MYO1F: variants seen among roughly 807,000 people sequenced by gnomAD.
MYO1F encodes the protein myosin IF.
Under a neutral mutation model 146.6 loss-of-function variants are expected in MYO1F, and 60 were observed. The observed-to-expected ratio is 0.41, with a 90% CI of 0.33 to 0.51. The LOEUF (loss-of-function observed/expected upper bound fraction) is 0.51. Among genes scored for constraint, MYO1F ranks in the 20% least tolerant of loss-of-function variants. The pLI is 0.25. For synonymous variants in MYO1F, 602 were observed against 602.1 expected (o/e 1.00, Z 0.00); for missense variants, 1,274 against 1,534.3 (o/e 0.83, Z 2.83).
chr19:8,536,626 CG>C, intron 17 of MYO1F, 29 bp from the exon 18 acceptor site: 1 of 312,002 alleles, frequency 3.2e-6, no homozygotes. Context: ...TGAGTCCCCT[CG>C]GGGTGGGGAG....
At chr19:8,553,651 T>A (rs990669722) in intron 4 of MYO1F, among the ~76,000 whole-genome samples, 4 of 151,956 alleles carry the variant, frequency 2.6e-5, no homozygotes, top group Non-Finnish European at 1.5e-5. Flanking sequence ...GGAGGGCGGA[T>A]CACTTGAGGT....
intron 27 of MYO1F, among the ~76,000 whole-genome samples, chr19:8,522,151 T>C (rs1400757131): frequency 6.6e-6 from 1 of 151,670 alleles, no homozygotes; most frequent in Non-Finnish European, 1.5e-5. Context: ...GCCTCCCGAG[T>C]AGCTGGGACT....
intron 13 of MYO1F, 92 bp from the exon 14 acceptor site, chr19:8,544,556 T>G (rs1170845945): frequency 4.0e-4 from 382 of 966,294 alleles, no homozygotes; most frequent in South Asian, 9.6e-4. Flanking sequence ...AGGGAGGGGG[T>G]GGAGGAGTGG....
At chr19:8,552,341 G>A (rs1973650311) in intron 6 of MYO1F, among the ~76,000 whole-genome samples, 177 bp from the exon 7 acceptor site, 2 of 151,760 alleles carry the variant, frequency 1.3e-5, no homozygotes, top group South Asian at 2.1e-4. Context: ...TCACTGCAAC[G>A]TCCACCTCCT....
Position 8,522,824 on chromosome 19 carries a change from C to T in MYO1F, c.2860G>A (p.Asp954Asn), listed in dbSNP as rs201832487. 3.8e-6 allele frequency: 6 copies of T among 1,568,160 alleles called. No homozygotes were observed. Among genetic ancestry groups the T allele is most frequent in the South Asian group, 1.2e-5 (1 of 86,674 alleles). The change falls in exon 26 of 28, where the codon GAT (aspartate) becomes AAT (asparagine). Residue 954 changes from aspartate (D) to asparagine (N), a missense_variant. Physicochemically the swap from Asp to Asn is conservative, Grantham distance 23 (BLOSUM62 1). This residue lies in a region of MYO1F where 374 missense variants were observed against 379.2 expected (regional missense o/e 0.99). Coordinates refer to ENST00000644032, the MANE Select transcript of MYO1F (RefSeq NM_012335.4). ...RAAPAPPRGM[D>N]RNGVPPSARG... ...GCAGAGGGGGGCACCCCATTGCGAT[C>T]CATGCCTGTGGCAGGAGCAAGGATG...
At position 8,526,472 on chromosome 19, in the gene MYO1F, A is replaced by G. The variant is rs568316480; in HGVS notation, c.2751T>C (p.Asp917=). The G allele has an allele frequency of 4.0e-5, 62 of 1,560,768 alleles. 1 individual carries two copies. The Middle Eastern group carries it at 5.0e-4, about 13-fold the overall frequency. ...ACTCACTGGAGCTCTTGGGCAGCCC[A>G]TCGCCCACGCTGACCGTGAGGGTCC... The part of the protein sequence containing the change: ...GGRTLTVSVG[D]GLPKSSKPTR... Residue 917 remains aspartate (D), a synonymous_variant, in exon 24 of 28, where the codon GAT becomes GAC. Coordinates refer to ENST00000644032, the MANE Select transcript of MYO1F (RefSeq NM_012335.4).
chr19:8,529,878 A>C, intron 21 of MYO1F: 1 of 519,426 alleles, frequency 1.9e-6, no homozygotes, highest in Non-Finnish European at 3.5e-6. Flanking sequence ...GCTGGGGGAT[A>C]GATACCTGTG....
At chr19:8,574,595 C>CTCTCTCTCTCTT (rs1555733066) in intron 1 of MYO1F, among the ~76,000 whole-genome samples, 16 of 105,896 alleles carry the variant, frequency 1.5e-4, no homozygotes, top group South Asian at 3.0e-4. Context: ...CTCTCTCTCT[C>CTCTCTCTCTCTT]TCTTTCTTTC....
intron 1 of MYO1F, among the ~76,000 whole-genome samples, chr19:8,573,514 C>T (rs1015554569): frequency 1.3e-5 from 2 of 152,038 alleles, no homozygotes; most frequent in Non-Finnish European, 2.9e-5. Flanking sequence ...CATTCTCCCA[C>T]GATCACCACC....
At chr19:8,566,313 T>G (rs1182819674) in intron 1 of MYO1F, among the ~76,000 whole-genome samples, 1 of 149,498 alleles carries the variant, frequency 6.7e-6, no homozygotes, top group South Asian at 2.1e-4. Flanking sequence ...GACTACAGGC[T>G]CCCACGGCCA....
At chr19:8,543,939 CTGGTGGTGCTGGTGGTGGTGGTGG>C (rs1973185222) in intron 14 of MYO1F, 3 of 50,544 alleles carry the variant, frequency 5.9e-5, no homozygotes, top group African/African-American at 3.8e-4. Context: ...GGTGGTGGTG[CTGGTGGTGCTGGTGGTGGTGGTGG>C]TGGTGGTGCT....
intron 14 of MYO1F, among the ~76,000 whole-genome samples, chr19:8,542,659 G>C (rs1465391290): frequency 6.7e-6 from 1 of 149,894 alleles, no homozygotes; most frequent in African/African-American, 2.5e-5. Context: ...GGAGTGCAAT[G>C]ACACGATCTC....
chr19:8,530,429 A>C lies in MYO1F; in HGVS notation c.2158+30T>G, dbSNP rs543288042. On this transcript the variant is annotated intron_variant, in intron 20 of 27. Coordinates refer to ENST00000644032, the MANE Select transcript of MYO1F (RefSeq NM_012335.4). The surrounding 1 kb of genome is among the most constrained non-coding windows in gnomAD (Gnocchi z 5.8). ...AGCTCCTCCAGGTCCTTGTGCCCCC[A>C]CCCCGCGCCGTTTACCCGAAGCCTC... is the stretch of plus-strand genomic sequence containing the variant. 10 of 1,613,142 alleles carry C rather than the reference A, an allele frequency of 6.2e-6. No individual in the cohort carries two copies. In the African/African-American group the frequency reaches 1.3e-4, roughly 22 times the overall value.
intron 14 of MYO1F, chr19:8,543,924 G>C (rs1423155104): frequency 1.1e-4 from 25 of 230,168 alleles, no homozygotes; most frequent in Non-Finnish European, 1.5e-4. Flanking sequence ...GGTGGTGGTG[G>C]TGGTGGTGGT....
intron 22 of MYO1F, 90 bp from the exon 23 acceptor site, chr19:8,527,025 GGGAA>G: frequency 6.5e-7 from 1 of 1,550,190 alleles, no homozygotes; most frequent in African/African-American, 1.4e-5. Context: ...GGTGGATTTA[GGGAA>G]GGGTCAGCTA....
At chr19:8,569,010 G>A (rs1047401165) in intron 1 of MYO1F, among the ~76,000 whole-genome samples, 2 of 152,072 alleles carry the variant, frequency 1.3e-5, no homozygotes, top group Non-Finnish European at 2.9e-5. Context: ...GAAAAAATGC[G>A]CCGAGATGCC....
chr19:8,564,805 C>A (rs545956753), intron 1 of MYO1F, among the ~76,000 whole-genome samples: 1 of 151,650 alleles, frequency 6.6e-6, no homozygotes, highest in African/African-American at 2.4e-5. Flanking sequence ...CAGAGTCTCG[C>A]TCTGTCACCC....
rs556463746 is a variant in MYO1F at position 8,544,658 on chromosome 19, G to C, written c.1357-194C>G. 2.4e-3 allele frequency among the ~76,000 whole-genome samples: 362 copies of C among 152,074 alleles called. 1 individual carries two copies. Among genetic ancestry groups the C allele is most frequent in the African/African-American group, 7.7e-3 (319 of 41,490 alleles). ...CAGGGGTCAGGGATGGAAGGGATAG[G>C]GGGGCAAGGGTGTGTGGGGCTACTG... is the stretch of plus-strand genomic sequence containing the variant. On this transcript the variant is annotated intron_variant, in intron 13 of 27. Transcript: ENST00000644032.
rs767444953 is a variant in MYO1F, at chr19:8,527,432, G to A, written c.2380C>T (p.Arg794Ter). 1 of 1,613,894 alleles carries A rather than the reference G, an allele frequency of 6.2e-7. No individual in the cohort carries two copies. Among genetic ancestry groups the A allele is most frequent in the Non-Finnish European group, 8.5e-7 (1 of 1,179,946 alleles). ...LTPKCVYVIG[R>*]EKVKKGPEKG... Reference sequence around the variant, plus strand: ...TCAGGTCCCTTCTTCACTTTCTCTCGCCCAATCACATACACACACTTGGGC... The same window carrying A: ...TCAGGTCCCTTCTTCACTTTCTCTCACCCAATCACATACACACACTTGGGC... The change falls in exon 22 of 28, where the codon CGA becomes TGA. Residue 794 changes from arginine (R) to a stop codon, truncating the protein, a stop_gained. Coordinates refer to ENST00000644032, the MANE Select transcript of MYO1F (RefSeq NM_012335.4). LOFTEE classifies it high-confidence loss of function.
Sources: allele counts gnomAD v4.1 joint callset (sites outside exome capture counted in the v4.1 genomes callset), GRCh38; gene constraint gnomAD v4.1.1; regional missense constraint gnomAD v4.1.1; non-coding constraint Gnocchi (gnomAD v3.1); transcripts MANE v1.5; gene names NCBI Gene and HGNC (gene_info 2026-07-23, HGNC 2026-07-21).